Variants in WNT6 observed in about 807,000 individuals in gnomAD.
The protein encoded by WNT6 is Wnt family member 6.
Under a neutral mutation model 33.1 loss-of-function variants are expected in WNT6, and 27 were observed. The observed-to-expected ratio is 0.82, with a 90% confidence interval of 0.60 to 1.12. The LOEUF is 1.12. Ranked by LOEUF, WNT6 falls within the 50% of genes most tolerant of loss-of-function variation. WNT6 has a pLI of 0.00. For synonymous variants in WNT6, 249 were observed against 242.8 expected, an observed-to-expected ratio of 1.03 and a Z score of -0.24; for missense variants, 494 against 535.3, an observed-to-expected ratio of 0.92 and a Z score of 0.76.
At chr2:218,870,135 C>G (rs564428519) in intron 1 of WNT6, among the ~76,000 whole-genome samples, 1 of 151,628 alleles carries the variant, frequency 6.6e-6, no homozygotes, top group Non-Finnish European at 1.5e-5. Context: ...GCATGAGAAT[C>G]GCTTGAACCT....
intron 3 of WNT6, among the ~76,000 whole-genome samples, chr2:218,872,631 C>T (rs1318660666): frequency 2.0e-5 from 3 of 152,166 alleles, no homozygotes; most frequent in Non-Finnish European, 4.4e-5. Flanking sequence ...GGACTCTGAG[C>T]TTCCAGAAAT....
chr2:218,860,867 C>A (rs1220006745), intron 1 of WNT6, among the ~76,000 whole-genome samples: 1 of 78,882 alleles, frequency 1.3e-5, no homozygotes, highest in African/African-American at 5.1e-5. Flanking sequence ...GCGAAGGTTG[C>A]GGGAGCTTCG....
At chr2:218,872,870 G>T (rs1944415520) in intron 3 of WNT6, among the ~76,000 whole-genome samples, 1 of 152,106 alleles carries the variant, frequency 6.6e-6, no homozygotes, top group African/African-American at 2.4e-5. Context: ...GGGAGGAGGG[G>T]GCCTGAAGAG....
rs745352749 is a variant in WNT6, at chr2:218,860,009, C to T, written c.-29C>T. ...GTTCGCCCCGCAGCCTCGCCCCCTG[C>T]CCACCCGGGCGGCCGTAGGGCGGTC... On this transcript the variant is annotated 5_prime_UTR_variant, in exon 1 of 4. Transcript: ENST00000233948. 4.6e-5 allele frequency: 65 copies of T among 1,424,626 alleles called. No individual in the cohort carries two copies. In the Admixed American group the frequency reaches 1.6e-3, roughly 36 times the overall value. 88.2% of individuals were successfully genotyped at this position (1,424,626 alleles called of 1,614,324 possible). A position where few individuals can be genotyped will look rare whatever the true frequency, so the allele number is the denominator to read the frequency against.
At position 218,862,982 on chromosome 2, in the gene WNT6, G is replaced by A. The variant is rs141476525; in HGVS notation, c.80+2865G>A. ...GGCCTCCCAAAGTGCTGGGCTTACA[G>A]GCATGAGCCATTGTGCCTGGTCACT... is the stretch of plus-strand genomic sequence containing the variant. On this transcript the variant is annotated intron_variant, in intron 1 of 3. Coordinates refer to ENST00000233948, the MANE Select transcript of WNT6 (RefSeq NM_006522.4). 1.0e-2 allele frequency among the ~76,000 whole-genome samples: 1,523 copies of A among 152,326 alleles called. 23 individuals are homozygous for A. Among genetic ancestry groups the A allele is most frequent in the South Asian group, 0.059 (284 of 4,824 alleles).
chr2:218,870,912 G>T, intron 1 of WNT6, 115 bp from the exon 2 acceptor site: 1 of 936,140 alleles, frequency 1.1e-6, no homozygotes, highest in East Asian at 2.5e-5. Context: ...TTGGAGGTAG[G>T]GTGGGAGGGC....
rs1944421247 is a variant in WNT6, at chr2:218,873,375, C to T, written c.637-9C>T. Reference sequence around the variant, plus strand: ...TGTCCACATGCGTCCGCCCCTCTGCCTCCCGCAGGCCGTGCGGAGCCACAC... The same window carrying T: ...TGTCCACATGCGTCCGCCCCTCTGCTTCCCGCAGGCCGTGCGGAGCCACAC... On this transcript the variant is annotated splice_polypyrimidine_tract_variant and intron_variant, in intron 3 of 3. Transcript: ENST00000233948. The surrounding 1 kb of genome is among the most constrained non-coding windows in gnomAD (Gnocchi z 6.1). The T allele has an allele frequency of 2.6e-6, 4 of 1,532,730 alleles. No individual in the cohort carries two copies. The highest frequency in any genetic ancestry group is 4.9e-5 in the East Asian group (2 of 40,582). 94.9% of individuals were successfully genotyped at this position (1,532,730 alleles called of 1,614,324 possible). A position where few individuals can be genotyped will look rare whatever the true frequency, so the allele number is the denominator to read the frequency against.
At position 218,871,468 on chromosome 2, in the gene WNT6, C is replaced by G; in HGVS notation, c.302-17C>G. ...ACCGCCCCAGCCCGCGCTGATTGCA[C>G]CTGTCTGCATTCACAGACATTCGGG... On this transcript the variant is annotated splice_polypyrimidine_tract_variant and intron_variant, in intron 2 of 3. Coordinates refer to ENST00000233948, the MANE Select transcript of WNT6 (RefSeq NM_006522.4). This position sits in a 1 kb window ranked among gnomAD's most constrained non-coding sequence, Gnocchi z 6.4. 6.3e-7 allele frequency: 1 copy of G among 1,594,850 alleles called. No homozygotes were observed. Among genetic ancestry groups the G allele is most frequent in the Non-Finnish European group, 8.5e-7 (1 of 1,177,522 alleles).
chr2:218,860,082 G>A lies in WNT6; in HGVS notation c.45G>A (p.Leu15=), dbSNP rs1944292376. ...CCCGCCTCGGGCTGCTGCTGCTGCT[G>A]CTCCTGTGCCCGGCGCACGTCGGCG... The part of the protein sequence containing the change: ...LPSRLGLLLL[L]LLCPAHVGGL... The change falls in exon 1 of 4, where the codon CTG becomes CTA. Residue 15 remains leucine, a synonymous_variant. Transcript: ENST00000233948. The A allele has an allele frequency of 6.5e-7, 1 of 1,526,964 alleles. No homozygotes were observed. The highest frequency in any genetic ancestry group is 2.6e-5 in the East Asian group (1 of 38,990). The allele number at this position is 1,526,964 out of a possible 1,614,324, so 94.6% of individuals were successfully genotyped here.
chr2:218,870,932 C>T (rs1944394084), intron 1 of WNT6, 95 bp from the exon 2 acceptor site: 2 of 1,234,696 alleles, frequency 1.6e-6, no homozygotes, highest in African/African-American at 1.5e-5. Context: ...CATGTCACAG[C>T]TCCCGCTGCG....
At position 218,859,834 on chromosome 2, in the gene WNT6, C is replaced by T; in HGVS notation, c.-204C>T. On this transcript the variant is annotated 5_prime_UTR_variant, in exon 1 of 4. Transcript: ENST00000233948. Reference sequence around the variant, plus strand: ...TCCCGAGCGAGCTCCGCAGGAGACACAGGCGCTGGCTGCCCCGTCCGCTCT... The same window carrying T: ...TCCCGAGCGAGCTCCGCAGGAGACATAGGCGCTGGCTGCCCCGTCCGCTCT... 1 of 181,584 alleles carries T rather than the reference C, an allele frequency of 5.5e-6. No individual in the cohort carries two copies. Among genetic ancestry groups the T allele is most frequent in the Non-Finnish European group, 1.1e-5 (1 of 90,628 alleles). 11.2% of individuals were successfully genotyped at this position (181,584 alleles called of 1,614,324 possible).
intron 1 of WNT6, among the ~76,000 whole-genome samples, chr2:218,862,008 C>A (rs1944313927): frequency 6.6e-6 from 1 of 152,202 alleles, no homozygotes; most frequent in Admixed American, 6.5e-5. Context: ...GCTGATTCAC[C>A]TTTCTGGGCT....
chr2:218,860,610 G>C (rs1011776105), intron 1 of WNT6, among the ~76,000 whole-genome samples: 10 of 152,178 alleles, frequency 6.6e-5, no homozygotes, highest in Admixed American at 6.5e-5. Flanking sequence ...GGAATATAAA[G>C]GGGAAAGTGA....
intron 1 of WNT6, among the ~76,000 whole-genome samples, chr2:218,868,530 G>A (rs1211004156): frequency 3.3e-5 from 5 of 152,144 alleles, no homozygotes; most frequent in South Asian, 4.2e-4. Flanking sequence ...CCGACTCACA[G>A]GTGGAGCCCC....
Position 218,871,323 on chromosome 2 carries a change from C to T in WNT6, c.301+76C>T. ...ACCCGAGGAGAGGAGAACTGGTTCG[C>T]TGAAGTTGCCTGAGCCCCACTTCCC... On this transcript the variant is annotated intron_variant, in intron 2 of 3. Coordinates refer to ENST00000233948, the MANE Select transcript of WNT6 (RefSeq NM_006522.4). This position sits in a 1 kb window ranked among gnomAD's most constrained non-coding sequence, Gnocchi z 6.4. 2.0e-6 allele frequency: 3 copies of T among 1,523,952 alleles called. No homozygotes were observed. Among genetic ancestry groups the T allele is most frequent in the Non-Finnish European group, 1.8e-6 (2 of 1,121,540 alleles). The allele number at this position is 1,523,952 out of a possible 1,614,324, so 94.4% of individuals were successfully genotyped here.
Position 218,871,366 on chromosome 2 carries a change from C to G in WNT6, c.301+119C>G. The G allele has an allele frequency of 6.8e-7, 1 of 1,476,780 alleles. No individual in the cohort carries two copies. The highest frequency in any genetic ancestry group is 1.3e-5 in the South Asian group (1 of 78,864). 91.5% of individuals were successfully genotyped at this position (1,476,780 alleles called of 1,614,324 possible). A position where few individuals can be genotyped will look rare whatever the true frequency, so the allele number is the denominator to read the frequency against. ...CACTTCCCCCTCACATGTGTCTGGG[C>G]ACCCTGCAAGGACCCTGCCTCCCAG... On this transcript the variant is annotated intron_variant, in intron 2 of 3. Coordinates refer to ENST00000233948, the MANE Select transcript of WNT6 (RefSeq NM_006522.4). This position sits in a 1 kb window ranked among gnomAD's most constrained non-coding sequence, Gnocchi z 6.4.
At position 218,873,820 on chromosome 2, in the gene WNT6, G is replaced by A; in HGVS notation, c.1073G>A (p.Arg358His). The change falls in exon 4 of 4, where the codon CGC (arginine) becomes CAC (histidine). Residue 358 changes from arginine (R) to histidine (H), a missense_variant. Physicochemically the swap from Arg to His is conservative, Grantham distance 29. Coordinates refer to ENST00000233948, the MANE Select transcript of WNT6 (RefSeq NM_006522.4). The surrounding 1 kb of genome is among the most constrained non-coding windows in gnomAD (Gnocchi z 6.1). ...CVVQCHRCRV[R>H]KELSLCL ...GTACAGTGCCACCGCTGCCGTGTGC[G>A]CAAGGAGCTCAGCCTCTGCCTGTGA... is the stretch of plus-strand genomic sequence containing the variant. The A allele has an allele frequency of 1.3e-6, 2 of 1,535,042 alleles. No individual in the cohort carries two copies. The highest frequency in any genetic ancestry group is 1.7e-6 in the Non-Finnish European group (2 of 1,146,306).
chr2:218,864,893 G>A (rs1559407394), intron 1 of WNT6, among the ~76,000 whole-genome samples: 1 of 152,242 alleles, frequency 6.6e-6, no homozygotes, highest in East Asian at 1.9e-4. Context: ...TGAGCTCCAG[G>A]GTGGGGTGTG....
chr2:218,872,818 A>C (rs1016956114), intron 3 of WNT6, among the ~76,000 whole-genome samples: 5 of 152,024 alleles, frequency 3.3e-5, no homozygotes, highest in African/African-American at 1.2e-4. Context: ...ATCGCCATAC[A>C]TACCGTGTCC....
Sources: allele counts gnomAD v4.1 joint callset (sites outside exome capture counted in the v4.1 genomes callset), GRCh38; gene constraint gnomAD v4.1.1; non-coding constraint Gnocchi (gnomAD v3.1); transcripts MANE v1.5; gene names NCBI Gene and HGNC (gene_info 2026-07-23, HGNC 2026-07-21).